CEP44: variants seen among roughly 807,000 people sequenced by gnomAD.
CEP44 encodes the protein centrosomal protein 44.
Under a neutral mutation model 46.7 loss-of-function variants are expected in CEP44, and 45 were observed. The ratio of observed to expected loss-of-function variants is 0.96; its 90% CI spans 0.76 to 1.24. The LOEUF (loss-of-function observed/expected upper bound fraction) is 1.24, where lower values mean the gene tolerates loss of function less well. Among genes scored for constraint, CEP44 ranks in the 50% most tolerant of loss-of-function variants. The pLI is 0.00. For missense variants in CEP44, 475 were observed against 459.7 expected (o/e 1.03, Z -0.30); for synonymous variants, 142 against 146.0 (o/e 0.97, Z 0.20).
At chr4:174,307,355 A>G (rs1740535389) in intron 6 of CEP44, among the ~76,000 whole-genome samples, 2 of 152,206 alleles carry the variant, frequency 1.3e-5, no homozygotes, top group African/African-American at 2.4e-5. Context: ...AAAACAAGCA[A>G]TGGGGAAAGG....
rs116663910 is a variant in CEP44 at position 174,301,671 on chromosome 4, A to G, written c.90-368A>G. Among the ~76,000 whole-genome samples, 486 of 152,310 alleles carry G rather than the reference A, an allele frequency of 3.2e-3. 3 individuals carry two copies. The highest frequency in any genetic ancestry group is 0.011 in the African/African-American group (459 of 41,578). ...GGTAGAGAGCAAAGGAGGTAATAGA[A>G]CAAGTGTTTGCAAAACCATAAAGTG... On this transcript the variant is annotated intron_variant, in intron 3 of 11. Coordinates refer to ENST00000503780, the MANE Select transcript of CEP44 (RefSeq NM_001040157.3). This position sits in a 1 kb window ranked among gnomAD's most constrained non-coding sequence, Gnocchi z 4.3.
chr4:174,320,026 A>G lies in CEP44; in HGVS notation c.*2643A>G, dbSNP rs542547003. On this transcript the variant is annotated 3_prime_UTR_variant, in exon 12 of 12. Coordinates refer to ENST00000503780, the MANE Select transcript of CEP44 (RefSeq NM_001040157.3). The stretch of plus-strand genomic sequence containing the variant: ...TCACTTTCATTCTTTTCATTCTCTC[A>G]TAAACTGGTTGAAAAAACACTGTAC... 24 of 985,268 alleles carry G rather than the reference A, an allele frequency of 2.4e-5. No homozygotes were observed. In the East Asian group the frequency reaches 2.2e-3, roughly 89 times the overall value. 61.0% of individuals were successfully genotyped at this position (985,268 alleles called of 1,614,324 possible).
rs1349773460 is a variant in CEP44, at chr4:174,310,697, TTA to T, written c.886-82_886-81del. The T allele has an allele frequency of 2.8e-6, 2 of 712,884 alleles. No individual in the cohort carries two copies. The highest frequency in any genetic ancestry group is 4.8e-6 in the Non-Finnish European group (2 of 417,194). 44.2% of individuals were successfully genotyped at this position (712,884 alleles called of 1,614,324 possible). On this transcript the variant is annotated intron_variant, in intron 8 of 11. Transcript: ENST00000503780. The surrounding 1 kb of genome is among the most constrained non-coding windows in gnomAD (Gnocchi z 4.2). Reference sequence around the variant, plus strand: ...TATTTAAACATTTATCATGCTACCTTTATATTTTATGCTCAGCATTAAGAATA... The same window carrying T: ...TATTTAAACATTTATCATGCTACCTTTATTTTATGCTCAGCATTAAGAATA...
intron 6 of CEP44, among the ~76,000 whole-genome samples, chr4:174,304,865 A>G (rs1184751781): frequency 6.6e-6 from 1 of 152,230 alleles, no homozygotes; most frequent in Non-Finnish European, 1.5e-5. Flanking sequence ...TTCTTGAAAG[A>G]TAATTTTTCT....
Position 174,311,177 on chromosome 4 carries a change from A to G in CEP44, c.961+319A>G, listed in dbSNP as rs1422689203. Among the ~76,000 whole-genome samples the G allele has an allele frequency of 6.6e-6, 1 of 151,970 alleles. No homozygotes were observed. Among genetic ancestry groups the G allele is most frequent in the Non-Finnish European group, 1.5e-5 (1 of 67,878 alleles). ...CCTCCAAGTTTTTAAATTTAAGCTT[A>G]GGTAGGTAGTAGCTTTCTCATATGT... On this transcript the variant is annotated intron_variant, in intron 9 of 11. Coordinates refer to ENST00000503780, the MANE Select transcript of CEP44 (RefSeq NM_001040157.3). The surrounding 1 kb of genome is among the most constrained non-coding windows in gnomAD (Gnocchi z 4.4).
chr4:174,328,456 A>G (rs1731119790), intron 8 of CEP44, among the ~76,000 whole-genome samples: 1 of 152,204 alleles, frequency 6.6e-6, no homozygotes, highest in Non-Finnish European at 1.5e-5. Flanking sequence ...TGATACAGTG[A>G]TTTGTACTTG....
downstream of CEP44, among the ~76,000 whole-genome samples, chr4:174,321,502 G>A (rs981000428): frequency 4.6e-5 from 7 of 152,078 alleles, no homozygotes; most frequent in Non-Finnish European, 7.4e-5. Context: ...CATCAATAAT[G>A]ATTCTTTACT....
Position 174,286,761 on chromosome 4 carries a change from G to C in CEP44, c.-148+2818G>C, listed in dbSNP as rs1267076968. 5.3e-5 allele frequency among the ~76,000 whole-genome samples: 8 copies of C among 152,148 alleles called. No homozygotes were observed. Among genetic ancestry groups the C allele is most frequent in the African/African-American group, 1.9e-4 (8 of 41,420 alleles). On this transcript the variant is annotated intron_variant, in intron 1 of 11. Transcript: ENST00000503780. This position sits in a 1 kb window ranked among gnomAD's most constrained non-coding sequence, Gnocchi z 5.2. ...AAATAAATTCCATGCTATTACTTTT[G>C]GGGCAGTTTTTAAAAAATGAATCAT... is the stretch of plus-strand genomic sequence containing the variant.
intron 1 of CEP44, among the ~76,000 whole-genome samples, chr4:174,296,004 G>T (rs1738962954): frequency 6.6e-6 from 1 of 152,152 alleles, no homozygotes; most frequent in Admixed American, 6.5e-5. Flanking sequence ...TTTTTAGAAT[G>T]TTGTACTAAG....
rs916323524 is a variant in CEP44, at chr4:174,314,365, A to G, written c.962-1801A>G. 6.6e-6 allele frequency among the ~76,000 whole-genome samples: 1 copy of G among 152,246 alleles called. No homozygotes were observed. The highest frequency in any genetic ancestry group is 2.4e-5 in the African/African-American group (1 of 41,466). On this transcript the variant is annotated intron_variant, in intron 9 of 11. Coordinates refer to ENST00000503780, the MANE Select transcript of CEP44 (RefSeq NM_001040157.3). This position sits in a 1 kb window ranked among gnomAD's most constrained non-coding sequence, Gnocchi z 4.1. ...GCTTTACTAAAGGTTCAGGATAGCA[A>G]TAAGAAAAAATATAGAAATTAATGT...
chr4:174,293,839 T>C (rs1738515531), intron 1 of CEP44, among the ~76,000 whole-genome samples: 1 of 152,120 alleles, frequency 6.6e-6, no homozygotes. Flanking sequence ...TGAATAGGAG[T>C]GGTGAGATAG....
downstream of CEP44, among the ~76,000 whole-genome samples, chr4:174,322,122 A>T (rs530478244): frequency 1.1e-3 from 167 of 152,300 alleles, no homozygotes; most frequent in Non-Finnish European, 2.2e-3. Context: ...CAAACATCAA[A>T]ATGTTTAAAA....
At chr4:174,315,852 A>AG (rs1741635305) in intron 9 of CEP44, among the ~76,000 whole-genome samples, 1 of 151,506 alleles carries the variant, frequency 6.6e-6, no homozygotes, top group Non-Finnish European at 1.5e-5. Context: ...AAAAAAAAAA[A>AG]AAAAAAAGAA....
rs1741017325 is a variant in CEP44, at chr4:174,310,991, A to G, written c.961+133A>G. 2.0e-6 allele frequency: 1 copy of G among 501,936 alleles called. No homozygotes were observed. Among genetic ancestry groups the G allele is most frequent in the African/African-American group, 2.0e-5 (1 of 50,196 alleles). 31.1% of individuals were successfully genotyped at this position (501,936 alleles called of 1,614,324 possible). A position where few individuals can be genotyped will look rare whatever the true frequency, so the allele number is the denominator to read the frequency against. On this transcript the variant is annotated intron_variant, in intron 9 of 11. Coordinates refer to ENST00000503780, the MANE Select transcript of CEP44 (RefSeq NM_001040157.3). The surrounding 1 kb of genome is among the most constrained non-coding windows in gnomAD (Gnocchi z 4.2). ...CTAGAACAAAGAACATAATGAACCT[A>G]CAGACTACTAAAGCCAAGAATTGCT...
downstream of CEP44, among the ~76,000 whole-genome samples, chr4:174,322,296 G>A (rs547794196): frequency 6.6e-6 from 1 of 151,988 alleles, no homozygotes; most frequent in East Asian, 1.9e-4. Flanking sequence ...TTCTGAATGT[G>A]CTGGGCTTTC....
Position 174,318,823 on chromosome 4 carries a change from T to A in CEP44, c.*1440T>A. ...AATTCCTTTGTTTTTTTTTTTTTTC[T>A]TTTTGAAACAGGGTCTCACTCTATT... On this transcript the variant is annotated 3_prime_UTR_variant, in exon 12 of 12. Coordinates refer to ENST00000503780, the MANE Select transcript of CEP44 (RefSeq NM_001040157.3). 1.5e-6 allele frequency: 1 copy of A among 670,020 alleles called. No individual in the cohort carries two copies. The highest frequency in any genetic ancestry group is 1.8e-6 in the Non-Finnish European group (1 of 543,362). The allele number at this position is 670,020 out of a possible 1,614,324, so 41.5% of individuals were successfully genotyped here.
chr4:174,319,152 A>C lies in CEP44; in HGVS notation c.*1769A>C, dbSNP rs141949464. On this transcript the variant is annotated 3_prime_UTR_variant, in exon 12 of 12. Transcript: ENST00000503780. Reference sequence around the variant, plus strand: ...AAACAGTTGGTCATCAGAACTTTAAAATGGTAGCCTACAGAAACATACAAT... The same window carrying C: ...AAACAGTTGGTCATCAGAACTTTAACATGGTAGCCTACAGAAACATACAAT... 16 of 984,894 alleles carry C rather than the reference A, an allele frequency of 1.6e-5. No individual in the cohort carries two copies. The African/African-American group carries it at 2.3e-4, about 14-fold the overall frequency. The allele number at this position is 984,894 out of a possible 1,614,324, so 61.0% of individuals were successfully genotyped here. A position where few individuals can be genotyped will look rare whatever the true frequency, so the allele number is the denominator to read the frequency against.
intron 6 of CEP44, among the ~76,000 whole-genome samples, chr4:174,305,536 G>A (rs1348345969): frequency 6.6e-6 from 1 of 152,108 alleles, no homozygotes; most frequent in Non-Finnish European, 1.5e-5. Flanking sequence ...TCTTTTTAAT[G>A]TACCTGTTTT....
Position 174,331,618 on chromosome 4 carries a change from C to T in CEP44, c.*23C>T. The T allele has an allele frequency of 6.5e-7, 1 of 1,549,588 alleles. No individual in the cohort carries two copies. The highest frequency in any genetic ancestry group is 1.2e-5 in the South Asian group (1 of 83,830). On this transcript the variant is annotated 3_prime_UTR_variant, in exon 9 of 9. Transcript: ENST00000426172. The surrounding 1 kb of genome is among the most constrained non-coding windows in gnomAD (Gnocchi z 4.5). ...TAATCTCTGTTTCTTGGATCCTGTG[C>T]TTACCTTTTCCTGCTGTACTCTGAT... is the stretch of plus-strand genomic sequence containing the variant.
Sources: gnomAD v4.1 joint callset for allele counts (sites outside exome capture counted in the v4.1 genomes callset) on GRCh38, gnomAD v4.1.1 for gene constraint, Gnocchi (gnomAD v3.1) non-coding constraint, MANE v1.5 for transcripts, NCBI Gene and HGNC (gene_info 2026-07-23, HGNC 2026-07-21) for gene names.